The following PPAN variants were observed in gnomAD, a reference collection of about 807,000 sequenced individuals.
The protein encoded by PPAN is peter pan homolog, also known as suppressor of SWI4 1 homolog.
PPAN carries 39 observed loss-of-function variants against 48.5 expected under a neutral mutation model. That is an observed-to-expected ratio of 0.80 (90% CI 0.62 to 1.05). The LOEUF is 1.05. Ranked by LOEUF, PPAN falls within the 50% of genes least tolerant of loss-of-function variation. PPAN has a pLI of 0.00. For missense variants in PPAN, 736 were observed against 661.7 expected (o/e 1.11, Z -1.23); for synonymous variants, 315 against 268.6 (o/e 1.17, Z -1.69).
intron 2 of PPAN, 73 bp downstream of exon 2, chr19:10,106,744 C>T: frequency 1.4e-6 from 2 of 1,464,280 alleles, no homozygotes; most frequent in Non-Finnish European, 1.8e-6. Context: ...ATGGCTCCCG[C>T]TGTAAAACTG....
Position 10,109,694 on chromosome 19 carries a change from G to A in PPAN, c.577G>A (p.Asp193Asn), listed in dbSNP as rs762282992. ...CTACAACCCCGACTCCCAGGAGCTG[G>A]ACTTCCGCCACTAGTGAGTGTCCCA... ...IDYNPDSQELDFRHYSIKVVP... is the reference protein window; with the variant it reads ...IDYNPDSQELNFRHYSIKVVP... The change falls in exon 6 of 12, where the codon GAC (aspartate) becomes AAC (asparagine). Residue 193 changes from aspartate (D) to asparagine (N), a missense_variant. Transcript: ENST00000253107. 1.6e-5 allele frequency: 26 copies of A among 1,613,846 alleles called. 1 individual carries two copies. In the South Asian group the frequency reaches 2.6e-4, roughly 16 times the overall value.
Position 10,109,951 on chromosome 19 carries a change from T to C in PPAN, c.629T>C (p.Met210Thr). ...GTTCCTGTGGGCGCGAGTCGCGGGA[T>C]GAAGAAGCTGCTCCAGGAGAAGTTC... Reference protein sequence around the residue: ...KVVPVGASRGMKKLLQEKFPN... With the variant: ...KVVPVGASRGTKKLLQEKFPN... The change falls in exon 7 of 12, where the codon ATG (methionine) becomes ACG (threonine). Residue 210 changes from methionine (M) to threonine (T), a missense_variant. Physicochemically the swap from Met to Thr is moderately conservative, Grantham distance 81. Transcript: ENST00000253107. The C allele has an allele frequency of 6.2e-7, 1 of 1,614,010 alleles. No individual in the cohort carries two copies. Among genetic ancestry groups the C allele is most frequent in the Non-Finnish European group, 8.5e-7 (1 of 1,179,950 alleles).
At position 10,110,701 on chromosome 19, in the gene PPAN, AAG is replaced by A. The variant is rs2089024135; in HGVS notation, c.1039_1040del (p.Ser347ProfsTer12). 1 of 1,613,480 alleles carries A rather than the reference AAG, an allele frequency of 6.2e-7. No homozygotes were observed. The highest frequency in any genetic ancestry group is 8.5e-7 in the Non-Finnish European group (1 of 1,179,810). ...GACCCCCACGCCCTCCTCCAGAAAG[AAG>A]AGCCTGGAGGGCATGAAGAAGGCAC... ...KQEQREAHRK[K>X]SLEGMKKARV... On this transcript the variant is annotated frameshift_variant, in exon 11 of 12. Transcript: ENST00000253107. LOFTEE classifies it high-confidence loss of function. This position sits in a 1 kb window ranked among gnomAD's most constrained non-coding sequence, Gnocchi z 5.9.
rs775173500 is a variant in PPAN, at chr19:10,109,990, G to A, written c.668G>A (p.Arg223His). The change falls in exon 7 of 12, where the codon CGC (arginine) becomes CAC (histidine). Residue 223 changes from arginine to histidine, a missense_variant. By Grantham distance (29) the Arg-to-His change is conservative. Transcript: ENST00000253107. ...CAGGAGAAGTTCCCCAACATGAGCC[G>A]CCTGCAGGACATCAGCGAGCTGCTG... ...LLQEKFPNMS[R>H]LQDISELLAT... The A allele has an allele frequency of 6.0e-5, 97 of 1,613,874 alleles. No homozygotes were observed. Among genetic ancestry groups the A allele is most frequent in the Non-Finnish European group, 7.2e-5 (85 of 1,179,956 alleles).
chr19:10,110,816 A>G lies in PPAN; in HGVS notation c.1151A>G (p.Asp384Gly). The change falls in exon 11 of 12, where the codon GAT becomes GGT. Residue 384 changes from aspartate to glycine, a missense_variant. Transcript: ENST00000253107. This position sits in a 1 kb window ranked among gnomAD's most constrained non-coding sequence, Gnocchi z 5.9. ...GGTGAGGACGATGATGAACAGGAAGATGATGACATCGAGTATTTCTGCCAG... is the reference window on the plus strand; with the variant it reads ...GGTGAGGACGATGATGAACAGGAAGGTGATGACATCGAGTATTTCTGCCAG... ...ELGEDDDEQE[D>G]DDIEYFCQAV... 1 of 1,613,996 alleles carries G rather than the reference A, an allele frequency of 6.2e-7. No individual in the cohort carries two copies. The highest frequency in any genetic ancestry group is 8.5e-7 in the Non-Finnish European group (1 of 1,179,994).
intron 5 of PPAN, among the ~76,000 whole-genome samples, chr19:10,108,508 G>A (rs898329479): frequency 6.6e-6 from 1 of 152,138 alleles, no homozygotes. Context: ...CAGTACTTTG[G>A]GAGGGCGAGG....
At chr19:10,107,938 A>AC in intron 4 of PPAN, 26 bp from the exon 5 acceptor site, 1 of 1,597,652 alleles carries the variant, frequency 6.3e-7, no homozygotes, top group East Asian at 2.2e-5. Context: ...GTTGGTGGTC[A>AC]CCCCCTCCTC....
Position 10,110,599 on chromosome 19 carries a change from A to C in PPAN, c.1016A>C (p.Gln339Pro). 1 of 1,604,142 alleles carries C rather than the reference A, an allele frequency of 6.2e-7. No individual in the cohort carries two copies. Among genetic ancestry groups the C allele is most frequent in the South Asian group, 1.1e-5 (1 of 90,430 alleles). Reference sequence around the variant, plus strand: ...CAGAATGTGCAGCGCAAGCAGGAGCAGCGGGAGGCCCACAGGTCCAGGCAG... The same window carrying C: ...CAGAATGTGCAGCGCAAGCAGGAGCCGCGGGAGGCCCACAGGTCCAGGCAG... ...QAQNVQRKQE[Q>P]REAHRKKSLE... The change falls in exon 10 of 12, where the codon CAG becomes CCG. Residue 339 changes from glutamine to proline, a missense_variant. Coordinates refer to ENST00000253107, the MANE Select transcript of PPAN (RefSeq NM_020230.7). The surrounding 1 kb of genome is among the most constrained non-coding windows in gnomAD (Gnocchi z 5.9).
Position 10,110,649 on chromosome 19 carries a change from G to A in PPAN, c.1031+35G>A, listed in dbSNP as rs374044949. The A allele has an allele frequency of 2.5e-6, 4 of 1,610,996 alleles. No individual in the cohort carries two copies. Among genetic ancestry groups the A allele is most frequent in the Non-Finnish European group, 3.4e-6 (4 of 1,178,752 alleles). On this transcript the variant is annotated intron_variant, in intron 10 of 11. Transcript: ENST00000253107. This position sits in a 1 kb window ranked among gnomAD's most constrained non-coding sequence, Gnocchi z 5.9. ...GAGCTGGGAAGGGCAGGGCCAAGGG[G>A]GGGTCCCTGGGATGGGCGGCTATGT... is the stretch of plus-strand genomic sequence containing the variant.
rs368442537 is a variant in PPAN at position 10,110,419 on chromosome 19, C to T, written c.901+17C>T. 68 of 1,611,482 alleles carry T rather than the reference C, an allele frequency of 4.2e-5. No homozygotes were observed. Among genetic ancestry groups the T allele is most frequent in the Non-Finnish European group, 5.3e-5 (63 of 1,179,658 alleles). ...ACAGTTTTGGTGAGGCCGGGGCCGC[C>T]GGGGGTGGGGGGTCATGGGTGTGGA... On this transcript the variant is annotated intron_variant, in intron 9 of 11. Transcript: ENST00000253107. The surrounding 1 kb of genome is among the most constrained non-coding windows in gnomAD (Gnocchi z 5.9).
Position 10,110,673 on chromosome 19 carries a change from G to A in PPAN, c.1032-24G>A, listed in dbSNP as rs373573869. 3.0e-5 allele frequency: 49 copies of A among 1,612,630 alleles called. No individual in the cohort carries two copies. The highest frequency in any genetic ancestry group is 3.9e-5 in the Non-Finnish European group (46 of 1,179,442). On this transcript the variant is annotated intron_variant, in intron 10 of 11. Coordinates refer to ENST00000253107, the MANE Select transcript of PPAN (RefSeq NM_020230.7). This position sits in a 1 kb window ranked among gnomAD's most constrained non-coding sequence, Gnocchi z 5.9. ...GGGGGTCCCTGGGATGGGCGGCTAT[G>A]TTGACCCCCACGCCCTCCTCCAGAA...
chr19:10,106,357 G>T (rs1273150712), upstream of PPAN: 1 of 1,548,904 alleles, frequency 6.5e-7, no homozygotes, highest in Non-Finnish European at 8.7e-7. Context: ...AGCGCCGGAA[G>T]CGGCGGACGC....
rs762590771 is a variant in PPAN, at chr19:10,106,421, C to T, written c.18+9C>T. On this transcript the variant is annotated intron_variant, in intron 1 of 11. Transcript: ENST00000253107. The stretch of plus-strand genomic sequence containing the variant: ...TGGGACAGTCAGGGAGGGTAAGGCC[C>T]GGCAGCTTGGGAGGCAGGTGGCGCA... 4.5e-6 allele frequency: 7 copies of T among 1,548,640 alleles called. No individual in the cohort carries two copies. Among genetic ancestry groups the T allele is most frequent in the South Asian group, 2.4e-5 (2 of 83,874 alleles).
chr19:10,107,719 C>T, intron 3 of PPAN, 85 bp from the exon 4 acceptor site: 1 of 1,608,956 alleles, frequency 6.2e-7, no homozygotes, highest in Non-Finnish European at 8.5e-7. Context: ...AGTAAACGCT[C>T]TGAAGAAGAG....
chr19:10,107,652 C>T (rs923271352), intron 3 of PPAN, 46 bp downstream of exon 3: 3 of 1,608,124 alleles, frequency 1.9e-6, no homozygotes, highest in South Asian at 2.2e-5. Flanking sequence ...CCCCCCCTTC[C>T]CCTATCTCTC....
In PPAN at chr19:10,110,498, G is replaced by A. The variant is rs1426049689; in HGVS notation, c.915G>A (p.Glu305=). 1.9e-6 allele frequency: 3 copies of A among 1,612,504 alleles called. No homozygotes were observed. Among genetic ancestry groups the A allele is most frequent in the African/African-American group, 1.3e-5 (1 of 75,012 alleles). Residue 305 remains glutamate, a synonymous_variant, in exon 10 of 12, where the codon GAG becomes GAA. Transcript: ENST00000253107. The surrounding 1 kb of genome is among the most constrained non-coding windows in gnomAD (Gnocchi z 5.9). Reference sequence around the variant, plus strand: ...CTCTTGGCTCAGTGAGCAAGACGGAGGAGGAGCTGCAGGCCATCCTGGAAG... The same window carrying A: ...CTCTTGGCTCAGTGAGCAAGACGGAAGAGGAGCTGCAGGCCATCCTGGAAG... The part of the protein sequence containing the change: ...VMFHSFVSKT[E]EELQAILEAK...
rs2145200355 is a variant in PPAN at position 10,107,836 on chromosome 19, G to T, written c.324G>T (p.Leu108Phe). 1.2e-6 allele frequency: 2 copies of T among 1,613,662 alleles called. No individual in the cohort carries two copies. Among genetic ancestry groups the T allele is most frequent in the South Asian group, 2.2e-5 (2 of 91,056 alleles). ...TGCGCCTCCCAGGAGGCCCCACCTT[G>T]ACCTTCCAGGTCAAGAAGGTGAGAG... ...KLMRLPGGPT[L>F]TFQVKKYSLV... Residue 108 changes from leucine to phenylalanine, a missense_variant, in exon 4 of 12, where the codon TTG becomes TTT. Physicochemically the swap from Leu to Phe is conservative, Grantham distance 22. Coordinates refer to ENST00000253107, the MANE Select transcript of PPAN (RefSeq NM_020230.7).
chr19:10,111,571 G>A lies in PPAN; in HGVS notation c.*406G>A. ...GGAGGGTTGTGGCACAATGAGGAAG[G>A]AAACGTGGGTGGAAAGGCACGCTGG... On this transcript the variant is annotated 3_prime_UTR_variant, in exon 12 of 12. Transcript: ENST00000253107. The A allele has an allele frequency of 1.1e-6, 1 of 901,090 alleles. No individual in the cohort carries two copies. The highest frequency in any genetic ancestry group is 1.8e-6 in the Non-Finnish European group (1 of 567,452). 55.8% of individuals were successfully genotyped at this position (901,090 alleles called of 1,614,324 possible).
At chr19:10,109,525 T>C in intron 5 of PPAN, 106 bp from the exon 6 acceptor site, 1 of 1,308,104 alleles carries the variant, frequency 7.6e-7, no homozygotes, top group Non-Finnish European at 1.1e-6. Context: ...GCAGCATTTC[T>C]AGCCAGTGCC....
Sources: gnomAD v4.1 joint callset for allele counts (sites outside exome capture counted in the v4.1 genomes callset) on GRCh38, gnomAD v4.1.1 for gene constraint, Gnocchi (gnomAD v3.1) non-coding constraint, MANE v1.5 for transcripts, NCBI Gene and HGNC (gene_info 2026-07-23, HGNC 2026-07-21) for gene names.